Variants in IFT43 observed in about 807,000 individuals in gnomAD.
IFT43 encodes intraflagellar transport protein 43 homolog.
A neutral mutation model predicts 32.3 loss-of-function variants in IFT43; 33 were observed. The ratio of observed to expected loss-of-function variants is 1.02; its 90% confidence interval spans 0.77 to 1.37. IFT43 has a LOEUF of 1.37. Among genes scored for constraint, IFT43 ranks in the 40% most tolerant of loss-of-function variants. The pLI, the probability that IFT43 is intolerant of heterozygous loss-of-function variation, is 0.00. For synonymous variants in IFT43, 93 were observed against 98.2 expected (o/e 0.95, Z 0.31); for missense variants, 274 against 265.9 (o/e 1.03, Z -0.21).
At chr14:76,054,012 C>A (rs774398383) in intron 3 of IFT43, among the ~76,000 whole-genome samples, 7 of 152,122 alleles carry the variant, frequency 4.6e-5, no homozygotes, top group African/African-American at 1.7e-4. Context: ...TTAATGCTTC[C>A]GTTAGAAGAA....
At chr14:75,997,215 G>T (rs1215718162) in intron 2 of IFT43, among the ~76,000 whole-genome samples, 1 of 152,198 alleles carries the variant, frequency 6.6e-6, no homozygotes, top group Admixed American at 6.5e-5. Flanking sequence ...TGTTAATGGA[G>T]CAGTTGACCA....
intron 2 of IFT43, among the ~76,000 whole-genome samples, chr14:75,994,585 T>C (rs1407802535): frequency 6.6e-6 from 1 of 152,164 alleles, no homozygotes; most frequent in Non-Finnish European, 1.5e-5. Context: ...AAATGATAAG[T>C]ACTAAGAAAG....
chr14:76,046,148 A>G (rs1044418289), intron 3 of IFT43, among the ~76,000 whole-genome samples: 7 of 152,222 alleles, frequency 4.6e-5, no homozygotes, highest in African/African-American at 1.7e-4. Flanking sequence ...AATAAACAGA[A>G]GTGACTGAAA....
chr14:76,042,980 G>A (rs1181673861), intron 3 of IFT43, among the ~76,000 whole-genome samples: 1 of 152,178 alleles, frequency 6.6e-6, no homozygotes, highest in Non-Finnish European at 1.5e-5. Flanking sequence ...GTCATTAGGA[G>A]TCAGGACATC....
intron 2 of IFT43, among the ~76,000 whole-genome samples, chr14:76,021,885 T>C (rs2036297953): frequency 6.6e-6 from 1 of 152,266 alleles, no homozygotes; most frequent in Admixed American, 6.5e-5. Flanking sequence ...AAGGTTACTG[T>C]ATTTTTATTC....
At chr14:76,005,972 T>TC (rs2035972985) in intron 2 of IFT43, among the ~76,000 whole-genome samples, 1 of 152,138 alleles carries the variant, frequency 6.6e-6, no homozygotes, top group African/African-American at 2.4e-5. Context: ...TTTTTTTTTT[T>TC]CAGATGATAT....
At chr14:76,057,752 G>A (rs1393205475) in intron 3 of IFT43, among the ~76,000 whole-genome samples, 1 of 152,118 alleles carries the variant, frequency 6.6e-6, no homozygotes, top group Non-Finnish European at 1.5e-5. Flanking sequence ...CATGGTGCTA[G>A]ATTTCTGACT....
intron 2 of IFT43, among the ~76,000 whole-genome samples, chr14:76,019,006 G>T (rs767618634): frequency 1.7e-4 from 26 of 151,968 alleles, no homozygotes; most frequent in Non-Finnish European, 3.1e-4. Flanking sequence ...TACATTCAAG[G>T]TTATTATTGA....
chr14:76,027,578 G>A (rs779357120), intron 3 of IFT43, among the ~76,000 whole-genome samples: 2 of 151,864 alleles, frequency 1.3e-5, no homozygotes, highest in African/African-American at 4.8e-5. Flanking sequence ...GTGTGGTGGC[G>A]GGTGCCTGTA....
chr14:76,082,459 G>A, intron 6 of IFT43, 92 bp downstream of exon 6: 1 of 1,182,420 alleles, frequency 8.5e-7, no homozygotes, highest in Non-Finnish European at 1.3e-6. Context: ...TGTCAATCTG[G>A]ATCTTTCTGG....
intron 2 of IFT43, among the ~76,000 whole-genome samples, chr14:76,016,612 TA>T (rs2139940383): frequency 6.6e-6 from 1 of 152,332 alleles, no homozygotes; most frequent in Admixed American, 6.5e-5. Flanking sequence ...GGTATTTTGA[TA>T]GAATTGTATT....
At chr14:76,062,909 T>C (rs1168830279) in intron 5 of IFT43, among the ~76,000 whole-genome samples, 1 of 36,874 alleles carries the variant, frequency 2.7e-5, no homozygotes. Flanking sequence ...CAGAGTGAGA[T>C]CCCATCTCAA....
chr14:76,050,135 G>A (rs1373034448), intron 3 of IFT43, among the ~76,000 whole-genome samples: 1 of 152,088 alleles, frequency 6.6e-6, no homozygotes, highest in Non-Finnish European at 1.5e-5. Context: ...TCTCTCCATT[G>A]GCAAGGCTTC....
chr14:75,987,024 A>G (rs1327900615), intron 1 of IFT43, among the ~76,000 whole-genome samples: 2 of 152,346 alleles, frequency 1.3e-5, no homozygotes, highest in East Asian at 3.9e-4. Context: ...CAATAAATAG[A>G]CTACATTTAA....
rs1267172299 is a variant in IFT43 at position 76,030,140 on chromosome 14, C to G, written c.215+7746C>G. Among the ~76,000 whole-genome samples, 5 of 152,156 alleles carry G rather than the reference C, an allele frequency of 3.3e-5. No homozygotes were observed. In the South Asian group the frequency reaches 1.0e-3, roughly 32 times the overall value. ...TGGCAATCGTCCTACTTTGGCCTCC[C>G]CAAGTGCTGAGATTATAGCCATGAA... On this transcript the variant is annotated intron_variant, in intron 3 of 8. Transcript: ENST00000314067.
At chr14:76,050,275 TCA>T (rs1875720814) in intron 3 of IFT43, among the ~76,000 whole-genome samples, 1 of 152,212 alleles carries the variant, frequency 6.6e-6, no homozygotes, top group South Asian at 2.1e-4. Flanking sequence ...ATTGTGAACC[TCA>T]GTTTCCAGGT....
chr14:76,082,811 G>T lies in IFT43; in HGVS notation c.444+119G>T, dbSNP rs554192913. ...CTCCACCAGTCCCCTGAGGCTGCCT[G>T]CCTGGCACCCATACCTCTGCTGCAG... On this transcript the variant is annotated intron_variant, in intron 7 of 8. Coordinates refer to ENST00000314067, the MANE Select transcript of IFT43 (RefSeq NM_001102564.3). The T allele has an allele frequency of 1.5e-5, 12 of 804,104 alleles. No individual in the cohort carries two copies. In the South Asian group the frequency reaches 1.6e-4, roughly 11 times the overall value. The allele number at this position is 804,104 out of a possible 1,614,324, so 49.8% of individuals were successfully genotyped here. A position where few individuals can be genotyped will look rare whatever the true frequency, so the allele number is the denominator to read the frequency against.
At chr14:75,986,136 G>A (rs1453707672) in intron 1 of IFT43, 5 of 1,388,310 alleles carry the variant, frequency 3.6e-6, no homozygotes, top group Non-Finnish European at 4.7e-6. Context: ...AGCCCCGAGT[G>A]CGAACTTCCC....
At chr14:76,035,272 A>G (rs1051826581) in intron 3 of IFT43, among the ~76,000 whole-genome samples, 4 of 152,138 alleles carry the variant, frequency 2.6e-5, no homozygotes, top group African/African-American at 9.7e-5. Context: ...CCTCCTGACA[A>G]TTTTACCTTG....
Sources: allele counts gnomAD v4.1 joint callset (sites outside exome capture counted in the v4.1 genomes callset), GRCh38; gene constraint gnomAD v4.1.1; transcripts MANE v1.5; gene names NCBI Gene and HGNC (gene_info 2026-07-23, HGNC 2026-07-21).